Variants in HDGF observed in about 807,000 individuals in gnomAD.
HDGF encodes the protein heparin binding growth factor, also known as hepatoma-derived growth factor.
HDGF carries 5 observed loss-of-function variants against 30.0 expected under a neutral mutation model. The observed-to-expected ratio is 0.17, with a 90% CI of 0.09 to 0.35. The LOEUF is 0.35. HDGF is among the 10% of genes least tolerant of loss of function. HDGF has a pLI of 1.00. For missense variants in HDGF, 214 were observed against 302.8 expected (o/e 0.71, Z 2.18); for synonymous variants, 133 against 112.7 (o/e 1.18, Z -1.14).
rs56669278 is a variant in HDGF at position 156,764,081 on chromosome 1, TTTTG to T, written n.136+2705_136+2708del. ...TGCCCATGCCCGGCTTTTTTTCTGT[TTTTG>T]TTTGTTTGTTTGTTTGTTTTTGTAG... On this transcript the variant is annotated intron_variant and non_coding_transcript_variant, in intron 1 of 7. Coordinates refer to the HDGF transcript ENST00000465180. 1.2e-3 allele frequency among the ~76,000 whole-genome samples: 176 copies of T among 150,996 alleles called. No individual in the cohort carries two copies. The East Asian group carries it at 0.017, about 14-fold the overall frequency.
At chr1:156,744,536 C>T (rs767643796) in intron 3 of HDGF, 188 bp from the exon 4 acceptor site, 18 of 1,550,866 alleles carry the variant, frequency 1.2e-5, no homozygotes, top group East Asian at 9.6e-5. Flanking sequence ...ACCCACTGGC[C>T]GGGCAGGCAG....
In HDGF at chr1:156,760,375, AATAATT is replaced by A. The variant is rs1651229096; in HGVS notation, n.137-1162_137-1157del. Among the ~76,000 whole-genome samples the A allele has an allele frequency of 1.2e-4, 19 of 152,250 alleles. No individual in the cohort carries two copies. The South Asian group carries it at 3.7e-3, about 30-fold the overall frequency. Reference sequence around the variant, plus strand: ...GGGGCCAAGTCCTCTTTTCTCGACTAATAATTAGATTGAGCCCTGCCTCTCAGGGTA... The same window carrying A: ...GGGGCCAAGTCCTCTTTTCTCGACTAAGATTGAGCCCTGCCTCTCAGGGTA... On this transcript the variant is annotated intron_variant and non_coding_transcript_variant, in intron 1 of 7. Coordinates refer to the HDGF transcript ENST00000465180.
chr1:156,763,275 C>T (rs756063821), intron 1 of HDGF, among the ~76,000 whole-genome samples: 5 of 151,626 alleles, frequency 3.3e-5, no homozygotes, highest in South Asian at 2.1e-4. Flanking sequence ...TGCAGTGGCG[C>T]GATCTCAGCT....
At chr1:156,759,465 T>C (rs2102739019) in intron 1 of HDGF, among the ~76,000 whole-genome samples, 1 of 151,520 alleles carries the variant, frequency 6.6e-6, no homozygotes, top group South Asian at 2.1e-4. Context: ...TGAAGATCCA[T>C]CTCATACCCC....
chr1:156,743,490 G>A (rs772826581), intron 5 of HDGF, 35 bp from the exon 6 acceptor site: 1 of 1,561,882 alleles, frequency 6.4e-7, no homozygotes, highest in Non-Finnish European at 8.7e-7. Context: ...AAGGGTTAAT[G>A]GTGTGGCCTT....
intron 1 of HDGF, 63 bp from the exon 2 acceptor site, chr1:156,745,436 T>C (rs1255444772): frequency 5.8e-6 from 8 of 1,385,234 alleles, no homozygotes; most frequent in Non-Finnish European, 8.1e-6. Flanking sequence ...GAGGCAGGGG[T>C]GCTGACCTCC....
At chr1:156,746,134 C>T (rs985533166) in intron 1 of HDGF, among the ~76,000 whole-genome samples, 2 of 152,150 alleles carry the variant, frequency 1.3e-5, no homozygotes, top group Non-Finnish European at 2.9e-5. Flanking sequence ...CTGGCCTGGC[C>T]GACTCCCTAG....
At chr1:156,758,681 G>T (rs1240515509) in intron 2 of HDGF, among the ~76,000 whole-genome samples, 1 of 151,520 alleles carries the variant, frequency 6.6e-6, no homozygotes, top group Non-Finnish European at 1.5e-5. Context: ...AGGAGGCTGA[G>T]GCAGGAGAAT....
At chr1:156,746,338 T>C (rs1650544906) in intron 1 of HDGF, among the ~76,000 whole-genome samples, 1 of 152,232 alleles carries the variant, frequency 6.6e-6, no homozygotes, top group Admixed American at 6.5e-5. Flanking sequence ...TGAATGAATT[T>C]ACCAAACAGC....
At chr1:156,748,241 C>T (rs1444443626) in intron 1 of HDGF, among the ~76,000 whole-genome samples, 2 of 152,210 alleles carry the variant, frequency 1.3e-5, no homozygotes, top group African/African-American at 4.8e-5. Flanking sequence ...ATCCCTTCTA[C>T]AGTGACACCT....
chr1:156,744,112 C>A (rs769110974), intron 4 of HDGF, 51 bp downstream of exon 4: 1 of 1,572,618 alleles, frequency 6.4e-7, no homozygotes, highest in South Asian at 1.1e-5. Flanking sequence ...CTGTGGGATA[C>A]CCCATGGGGA....
chr1:156,744,447 C>T (rs1438711194), intron 3 of HDGF, 99 bp from the exon 4 acceptor site: 6 of 1,576,228 alleles, frequency 3.8e-6, no homozygotes, highest in Non-Finnish European at 5.2e-6. Flanking sequence ...CCTTTTCCCG[C>T]CTCTCCCCCA....
At chr1:156,752,000 C>A (rs1426820466), upstream of HDGF, 1 of 1,535,720 alleles carries the variant, frequency 6.5e-7, no homozygotes, top group East Asian at 2.5e-5. This position sits in a 1 kb window ranked among gnomAD's most constrained non-coding sequence, Gnocchi z 4.7. Context: ...CTGGACGGAG[C>A]GGCCCCCGCC....
intron 1 of HDGF, chr1:156,750,621 T>C (rs1285404894): frequency 6.6e-6 from 1 of 152,272 alleles, no homozygotes; most frequent in Non-Finnish European, 1.5e-5. Context: ...GACTTCCTAA[T>C]ACCACAAGGG....
Position 156,748,534 on chromosome 1 carries a change from A to G in HDGF, c.87+2809T>C, listed in dbSNP as rs530738447. Among the ~76,000 whole-genome samples, 8 of 152,336 alleles carry G rather than the reference A, an allele frequency of 5.3e-5. No individual in the cohort carries two copies. The East Asian group carries it at 1.2e-3, about 22-fold the overall frequency. Reference sequence around the variant, plus strand: ...CCTCTTAACCATTCCAGATCCAGGCAAGTTACTTATTCTTAGGCCTTGCAT... The same window carrying G: ...CCTCTTAACCATTCCAGATCCAGGCGAGTTACTTATTCTTAGGCCTTGCAT... On this transcript the variant is annotated intron_variant, in intron 1 of 5. Transcript: ENST00000357325.
upstream of HDGF, among the ~76,000 whole-genome samples, chr1:156,753,713 G>T (rs1465483601): frequency 2.0e-5 from 3 of 151,686 alleles, no homozygotes; most frequent in Non-Finnish European, 4.4e-5. Context: ...ACCACGCCCG[G>T]CTAATTTTTG....
intron 1 of HDGF, among the ~76,000 whole-genome samples, chr1:156,745,634 C>G (rs997867796): frequency 5.3e-5 from 8 of 152,202 alleles, no homozygotes; most frequent in Non-Finnish European, 1.2e-4. Flanking sequence ...ACATGTCTGG[C>G]CACAAAGCCC....
At chr1:156,764,439 C>T (rs1192233278) in intron 1 of HDGF, among the ~76,000 whole-genome samples, 2 of 151,970 alleles carry the variant, frequency 1.3e-5, no homozygotes, top group African/African-American at 2.4e-5. Context: ...TCAGGGGATC[C>T]GCCCGCCTCA....
chr1:156,744,135 G>C (rs766259856), intron 4 of HDGF, 28 bp downstream of exon 4: 5 of 1,608,728 alleles, frequency 3.1e-6, no homozygotes, highest in Non-Finnish European at 4.3e-6. Context: ...GTTGAGGGGG[G>C]CCCAGGCCCT....
Sources: allele counts gnomAD v4.1 joint callset (sites outside exome capture counted in the v4.1 genomes callset), GRCh38; gene constraint gnomAD v4.1.1; non-coding constraint Gnocchi (gnomAD v3.1); transcripts MANE v1.5; gene names NCBI Gene and HGNC (gene_info 2026-07-23, HGNC 2026-07-21).